PAQR5: variants seen among roughly 807,000 people sequenced by gnomAD.
PAQR5 encodes the protein progestin and adipoQ receptor family member 5, also known as membrane progestin receptor gamma.
A neutral mutation model predicts 34.5 loss-of-function variants in PAQR5; 20 were observed. That is an observed-to-expected ratio of 0.58 (90% CI 0.41 to 0.84). PAQR5 has a LOEUF of 0.84. Among genes scored for constraint, PAQR5 ranks in the 40% least tolerant of loss-of-function variants. The probability of loss-of-function intolerance (pLI) is 0.00; values close to 1 mark genes in which losing one functional copy is unlikely to be tolerated. For synonymous variants in PAQR5, 131 were observed against 155.6 expected, an observed-to-expected ratio of 0.84 and a Z score of 1.18; for missense variants, 378 against 412.7, an observed-to-expected ratio of 0.92 and a Z score of 0.73.
rs56151928 is a variant in PAQR5 at position 69,300,937 on chromosome 15, C to CTTTCCTTCTTTCTTTCTTTCTTCCTT, written c.-277+1882_-277+1883insTTCCTTCTTTCTTTCTTTCTTCCTTT. On this transcript the variant is annotated intron_variant, in intron 1 of 8. Transcript: ENST00000395407. ...CCTTTCTCTCTCTCTCTCTCTCTCT[C>CTTTCCTTCTTTCTTTCTTTCTTCCTT]TCTTTCTTTCCTTCTTTCTTTCTTT... Among the ~76,000 whole-genome samples, 3 of 5,154 alleles carry CTTTCCTTCTTTCTTTCTTTCTTCCTT rather than the reference C, an allele frequency of 5.8e-4. 1 individual carries two copies. Among genetic ancestry groups the CTTTCCTTCTTTCTTTCTTTCTTCCTT allele is most frequent in the Non-Finnish European group, 2.7e-3 (3 of 1,108 alleles). The allele number at this position is 5,154 out of a possible 152,430, so 3.4% of individuals were successfully genotyped here. A position where few individuals can be genotyped will look rare whatever the true frequency, so the allele number is the denominator to read the frequency against.
intron 6 of PAQR5, among the ~76,000 whole-genome samples, chr15:69,396,631 T>C (rs1333342431): frequency 6.6e-6 from 1 of 152,148 alleles, no homozygotes; most frequent in Middle Eastern, 3.2e-3. Context: ...GAGCACTTCC[T>C]TACCCAGGCC....
At chr15:69,377,941 A>T (rs371739651) in intron 3 of PAQR5, among the ~76,000 whole-genome samples, 1 of 152,162 alleles carries the variant, frequency 6.6e-6, no homozygotes, top group South Asian at 2.1e-4. Flanking sequence ...GAGTCTGGGC[A>T]TCATAGTGAG....
intron 1 of PAQR5, among the ~76,000 whole-genome samples, chr15:69,326,245 A>G (rs2054248340): frequency 6.6e-6 from 1 of 152,100 alleles, no homozygotes; most frequent in East Asian, 1.9e-4. Flanking sequence ...CAAACTCCCC[A>G]AAGCTCCCAG....
In PAQR5 at chr15:69,322,762, A is replaced by G. The variant is rs1386403699; in HGVS notation, c.-276-14579A>G. Among the ~76,000 whole-genome samples the G allele has an allele frequency of 2.0e-3, 96 of 46,846 alleles. 21 individuals carry two copies. The highest frequency in any genetic ancestry group is 2.7e-3 in the Non-Finnish European group (60 of 22,308). The allele number at this position is 46,846 out of a possible 152,430, so 30.7% of individuals were successfully genotyped here. ...GAAGAAGAAGAAGAAGAAGAAGAAG[A>G]AGAAGAAGAGGGAGAAGAAGAAGAC... On this transcript the variant is annotated intron_variant, in intron 1 of 8. Coordinates refer to ENST00000395407, the MANE Select transcript of PAQR5 (RefSeq NM_017705.4).
At chr15:69,352,733 T>C (rs961585878) in intron 2 of PAQR5, among the ~76,000 whole-genome samples, 7 of 152,218 alleles carry the variant, frequency 4.6e-5, no homozygotes, top group Non-Finnish European at 1.0e-4. Flanking sequence ...GGTCATGCAC[T>C]TTGCTTGGAA....
intron 2 of PAQR5, among the ~76,000 whole-genome samples, chr15:69,341,781 CA>C (rs1330659898): frequency 2.0e-5 from 3 of 151,772 alleles, no homozygotes; most frequent in Non-Finnish European, 4.4e-5. Context: ...CTCATCTCTA[CA>C]AAAAATACAA....
At chr15:69,391,440 TG>T (rs1455443662) in intron 6 of PAQR5, 2 of 222,316 alleles carry the variant, frequency 9.0e-6, no homozygotes, top group Admixed American at 5.6e-5. Flanking sequence ...CTGCCTTCCA[TG>T]GGAGTGAAAG....
intron 3 of PAQR5, among the ~76,000 whole-genome samples, chr15:69,365,689 C>T (rs999994286): frequency 1.4e-4 from 22 of 152,170 alleles, no homozygotes; most frequent in African/African-American, 4.1e-4. Context: ...ATTCAGGTTA[C>T]GCCAACCACA....
chr15:69,316,698 G>A (rs901083482), intron 1 of PAQR5, among the ~76,000 whole-genome samples: 2 of 152,178 alleles, frequency 1.3e-5, no homozygotes, highest in African/African-American at 4.8e-5. Flanking sequence ...GCTTACACAT[G>A]GGGCTTACAC....
intron 1 of PAQR5, among the ~76,000 whole-genome samples, chr15:69,317,406 C>T (rs1236665712): frequency 1.3e-5 from 2 of 152,294 alleles, no homozygotes; most frequent in South Asian, 4.1e-4. Flanking sequence ...CCTTCTCTGA[C>T]CCCTAGTACC....
intron 6 of PAQR5, among the ~76,000 whole-genome samples, chr15:69,393,413 G>A (rs987319728): frequency 6.6e-6 from 1 of 152,098 alleles, no homozygotes; most frequent in African/African-American, 2.4e-5. Context: ...TTTCAACCCT[G>A]CTCCCCCAGA....
chr15:69,394,461 C>T (rs958505027), intron 6 of PAQR5, among the ~76,000 whole-genome samples: 13 of 152,226 alleles, frequency 8.5e-5, no homozygotes, highest in African/African-American at 2.4e-4. Flanking sequence ...TACACACACA[C>T]GTGCACTCGT....
At chr15:69,391,955 G>A (rs1484325144) in intron 6 of PAQR5, 1 of 392,064 alleles carries the variant, frequency 2.6e-6, no homozygotes, top group Non-Finnish European at 5.1e-6. Flanking sequence ...TACTCAAGAG[G>A]CTGAGGCAGG....
intron 2 of PAQR5, among the ~76,000 whole-genome samples, chr15:69,354,997 C>T (rs2055018969): frequency 1.3e-5 from 2 of 152,194 alleles, no homozygotes; most frequent in African/African-American, 4.8e-5. Flanking sequence ...CCTTCTGCCT[C>T]AGTCCGAGAG....
At chr15:69,300,542 T>G in intron 1 of PAQR5, among the ~76,000 whole-genome samples, 1 of 151,990 alleles carries the variant, frequency 6.6e-6, no homozygotes, top group Non-Finnish European at 1.5e-5. Flanking sequence ...CAAGAGTACA[T>G]CCTTAATCCC....
intron 1 of PAQR5, among the ~76,000 whole-genome samples, chr15:69,302,560 C>A (rs916290270): frequency 6.6e-6 from 1 of 152,136 alleles, no homozygotes; most frequent in Non-Finnish European, 1.5e-5. Flanking sequence ...CTGGCAGTGC[C>A]CTGAGGATGC....
intron 1 of PAQR5, among the ~76,000 whole-genome samples, chr15:69,306,234 G>T (rs2053712957): frequency 6.6e-6 from 1 of 152,086 alleles, no homozygotes; most frequent in Non-Finnish European, 1.5e-5. Flanking sequence ...GCTTGGGGAG[G>T]TGGAGGGAAT....
At chr15:69,305,228 T>G (rs982835589) in intron 1 of PAQR5, among the ~76,000 whole-genome samples, 1 of 152,182 alleles carries the variant, frequency 6.6e-6, no homozygotes, top group Non-Finnish European at 1.5e-5. Flanking sequence ...CAACCAAAAC[T>G]GTCTCCAGAC....
chr15:69,357,302 C>T (rs1595890256), intron 2 of PAQR5, among the ~76,000 whole-genome samples: 1 of 151,562 alleles, frequency 6.6e-6, no homozygotes, highest in East Asian at 1.9e-4. Context: ...CTTGCTCTGT[C>T]GTCCAGGCTG....
Sources: gnomAD v4.1 joint callset for allele counts (sites outside exome capture counted in the v4.1 genomes callset) on GRCh38, gnomAD v4.1.1 for gene constraint, MANE v1.5 for transcripts, NCBI Gene and HGNC (gene_info 2026-07-23, HGNC 2026-07-21) for gene names.